Variants in ANKRD9 observed in about 807,000 individuals in gnomAD.
ANKRD9 encodes ankyrin repeat domain 9.
A neutral mutation model predicts 19.2 loss-of-function variants in ANKRD9; 13 were observed. The observed-to-expected ratio is 0.68, with a 90% CI of 0.44 to 1.08. The LOEUF (loss-of-function observed/expected upper bound fraction) is 1.08. ANKRD9 is among the 50% of genes least tolerant of loss of function. The pLI, the probability that ANKRD9 is intolerant of heterozygous loss-of-function variation, is 0.00. For synonymous variants in ANKRD9, 278 were observed against 256.8 expected (o/e 1.08, Z -0.79); for missense variants, 518 against 499.9 (o/e 1.04, Z -0.34).
At position 102,503,971 on chromosome 14, in the gene ANKRD9, C is replaced by G. The variant is rs935795522; in HGVS notation, c.*2965G>C. ...AGGTACTATCAGGATGAAGTCAGCACGCAGAGCAAGGCCAGCGAGGCCCAG... is the reference window on the plus strand; with the variant it reads ...AGGTACTATCAGGATGAAGTCAGCAGGCAGAGCAAGGCCAGCGAGGCCCAG... On this transcript the variant is annotated 3_prime_UTR_variant, in exon 4 of 4. Coordinates refer to ENST00000286918, the MANE Select transcript of ANKRD9 (RefSeq NM_152326.4). 6.6e-6 allele frequency: 1 copy of G among 152,298 alleles called. No homozygotes were observed. Among genetic ancestry groups the G allele is most frequent in the Non-Finnish European group, 1.5e-5 (1 of 68,072 alleles). The allele number at this position is 152,298 out of a possible 1,614,324, so 9.4% of individuals were successfully genotyped here. A position where few individuals can be genotyped will look rare whatever the true frequency, so the allele number is the denominator to read the frequency against.
In ANKRD9 at chr14:102,508,963, A is replaced by T. The variant is rs1891698911; in HGVS notation, c.-334-117T>A. On this transcript the variant is annotated intron_variant, in intron 1 of 3. Transcript: ENST00000286918. This position sits in a 1 kb window ranked among gnomAD's most constrained non-coding sequence, Gnocchi z 6.2. Reference sequence around the variant, plus strand: ...CCTGCCCTCTGAGTCCCCAGCCCCGACCTGAGCCTAGGCGTCTGACCTCTG... The same window carrying T: ...CCTGCCCTCTGAGTCCCCAGCCCCGTCCTGAGCCTAGGCGTCTGACCTCTG... 6.6e-6 allele frequency: 1 copy of T among 152,284 alleles called. No individual in the cohort carries two copies. Among genetic ancestry groups the T allele is most frequent in the Non-Finnish European group, 1.5e-5 (1 of 68,146 alleles). The allele number at this position is 152,284 out of a possible 1,614,324, so 9.4% of individuals were successfully genotyped here. A position where few individuals can be genotyped will look rare whatever the true frequency, so the allele number is the denominator to read the frequency against.
rs1204090652 is a variant in ANKRD9 at position 102,508,375 on chromosome 14, C to T, written c.-54+100G>A. 2.0e-5 allele frequency: 3 copies of T among 152,282 alleles called. No individual in the cohort carries two copies. Among genetic ancestry groups the T allele is most frequent in the Admixed American group, 2.0e-4 (3 of 15,274 alleles). 9.4% of individuals were successfully genotyped at this position (152,282 alleles called of 1,614,324 possible). A position where few individuals can be genotyped will look rare whatever the true frequency, so the allele number is the denominator to read the frequency against. ...GCTGAGGCAAATCCACTCTCCAGCC[C>T]AAGCGCAACCCTGACCCTGATCTCC... On this transcript the variant is annotated intron_variant, in intron 3 of 3. Coordinates refer to ENST00000286918, the MANE Select transcript of ANKRD9 (RefSeq NM_152326.4). This position sits in a 1 kb window ranked among gnomAD's most constrained non-coding sequence, Gnocchi z 6.2.
At position 102,507,256 on chromosome 14, in the gene ANKRD9, AG is replaced by A; in HGVS notation, c.633del (p.Ser212ProfsTer112). On this transcript the variant is annotated frameshift_variant, in exon 4 of 4. Coordinates refer to ENST00000286918, the MANE Select transcript of ANKRD9 (RefSeq NM_152326.4). LOFTEE classifies it high-confidence loss of function. The surrounding 1 kb of genome is among the most constrained non-coding windows in gnomAD (Gnocchi z 9.2). ...RQLGRDAGAT[P>X]SAAGAPASAP... is the part of the protein sequence containing the mutation. ...GCTGAGGCGGGGGCTCCGGCGGCGG[AG>A]GGAGTGGCCCCGGCGTCGCGGCCCA... 1 of 1,227,360 alleles carries A rather than the reference AG, an allele frequency of 8.1e-7. No individual in the cohort carries two copies. Among genetic ancestry groups the A allele is most frequent in the Non-Finnish European group, 1.0e-6 (1 of 983,466 alleles). 76.0% of individuals were successfully genotyped at this position (1,227,360 alleles called of 1,614,324 possible). A position where few individuals can be genotyped will look rare whatever the true frequency, so the allele number is the denominator to read the frequency against.
rs1236290406 is a variant in ANKRD9 at position 102,502,652 on chromosome 14, A to G, written c.*4284T>C. ...GTAACTGATCTGGTTTCATATATAT[A>G]TAAATATACACAGAAAAAAATGTAA... is the stretch of plus-strand genomic sequence containing the variant. On this transcript the variant is annotated 3_prime_UTR_variant, in exon 4 of 4. Coordinates refer to ENST00000286918, the MANE Select transcript of ANKRD9 (RefSeq NM_152326.4). 1 of 152,244 alleles carries G rather than the reference A, an allele frequency of 6.6e-6. No individual in the cohort carries two copies. Among genetic ancestry groups the G allele is most frequent in the African/African-American group, 2.4e-5 (1 of 41,456 alleles). 9.4% of individuals were successfully genotyped at this position (152,244 alleles called of 1,614,324 possible). A position where few individuals can be genotyped will look rare whatever the true frequency, so the allele number is the denominator to read the frequency against.
chr14:102,507,979 GA>G lies in ANKRD9; in HGVS notation c.-53-38del. The G allele has an allele frequency of 9.4e-7, 1 of 1,069,100 alleles. No individual in the cohort carries two copies. Among genetic ancestry groups the G allele is most frequent in the East Asian group, 6.8e-5 (1 of 14,706 alleles). The allele number at this position is 1,069,100 out of a possible 1,614,324, so 66.2% of individuals were successfully genotyped here. On this transcript the variant is annotated intron_variant, in intron 3 of 3. Transcript: ENST00000286918. This position sits in a 1 kb window ranked among gnomAD's most constrained non-coding sequence, Gnocchi z 9.2. Reference sequence around the variant, plus strand: ...GGAAGAGGCCACGGTGAGGCGCGGGGAAACTGGGGAGGCCCGGGGACTCCCC... The same window carrying G: ...GGAAGAGGCCACGGTGAGGCGCGGGGAACTGGGGAGGCCCGGGGACTCCCC...
rs1891461473 is a variant in ANKRD9, at chr14:102,502,294, G to A, written c.*4642C>T. 1 of 152,622 alleles carries A rather than the reference G, an allele frequency of 6.6e-6. No homozygotes were observed. Among genetic ancestry groups the A allele is most frequent in the Non-Finnish European group, 1.5e-5 (1 of 68,028 alleles). 9.5% of individuals were successfully genotyped at this position (152,622 alleles called of 1,614,324 possible). A position where few individuals can be genotyped will look rare whatever the true frequency, so the allele number is the denominator to read the frequency against. ...TGTTGTAAACTTCAAACTTTTGGCA[G>A]GTTTGAAATTTTTCATAACTCCGGG... is the stretch of plus-strand genomic sequence containing the variant. On this transcript the variant is annotated 3_prime_UTR_variant, in exon 4 of 4. Coordinates refer to ENST00000286918, the MANE Select transcript of ANKRD9 (RefSeq NM_152326.4).
rs943386373 is a variant in ANKRD9, at chr14:102,502,140, G to C, written c.*4796C>G. ...TAAGAAGCACGTGTGTGCAGGAAGC[G>C]GAGGCGCAGGACCTCACCGCGCCAG... On this transcript the variant is annotated 3_prime_UTR_variant, in exon 4 of 4. Transcript: ENST00000286918. 9.2e-5 allele frequency: 14 copies of C among 151,614 alleles called. No individual in the cohort carries two copies. Among genetic ancestry groups the C allele is most frequent in the African/African-American group, 2.9e-4 (12 of 41,368 alleles). 9.4% of individuals were successfully genotyped at this position (151,614 alleles called of 1,614,324 possible).
In ANKRD9 at chr14:102,507,662, C is replaced by T. The variant is rs372171499; in HGVS notation, c.228G>A (p.Leu76=). The T allele has an allele frequency of 8.4e-5, 131 of 1,551,988 alleles. No individual in the cohort carries two copies. Among genetic ancestry groups the T allele is most frequent in the Non-Finnish European group, 1.1e-4 (125 of 1,154,342 alleles). ...RAAAYSPSEA[L]LYALVHDHQA... is the part of the protein sequence containing the mutation. ...GGTGGTCGTGCACGAGCGCGTAGAG[C>T]AGCGCCTCAGAGGGCGAGTAGGCGG... is the stretch of plus-strand genomic sequence containing the variant. Residue 76 remains leucine, a synonymous_variant, in exon 4 of 4, where the codon CTG becomes CTA. Transcript: ENST00000286918. This position sits in a 1 kb window ranked among gnomAD's most constrained non-coding sequence, Gnocchi z 9.2.
In ANKRD9 at chr14:102,507,710, G is replaced by C. The variant is rs755817553; in HGVS notation, c.180C>G (p.His60Gln). ...LEDMRASEAF[H>Q]WDERGRAAAY... ...CGGCGGCGCGCCCGCGCTCGTCCCA[G>C]TGGAAGGCCTCGCTGGCGCGCATAT... Residue 60 changes from histidine (H) to glutamine (Q), a missense_variant, in exon 4 of 4, where the codon CAC (histidine) becomes CAG (glutamine). Physicochemically the swap from His to Gln is conservative, Grantham distance 24. Transcript: ENST00000286918. The surrounding 1 kb of genome is among the most constrained non-coding windows in gnomAD (Gnocchi z 9.2). The C allele has an allele frequency of 1.3e-6, 2 of 1,536,128 alleles. No individual in the cohort carries two copies. Among genetic ancestry groups the C allele is most frequent in the South Asian group, 1.2e-5 (1 of 85,378 alleles).
Position 102,507,033 on chromosome 14 carries a change from A to C in ANKRD9, c.857T>G (p.Leu286Arg), listed in dbSNP as rs755499444. 1 of 1,583,774 alleles carries C rather than the reference A, an allele frequency of 6.3e-7. No homozygotes were observed. Among genetic ancestry groups the C allele is most frequent in the Non-Finnish European group, 8.5e-7 (1 of 1,171,990 alleles). ...PSLFARAMQV[L>R]VTAISPGRFP... The stretch of plus-strand genomic sequence containing the variant: ...GCGGCCTGGAGAGATGGCGGTGACC[A>C]GCACCTGCATGGCGCGCGCGAAGAG... The change falls in exon 4 of 4, where the codon CTG becomes CGG. Residue 286 changes from leucine (L) to arginine (R), a missense_variant. Physicochemically the swap from Leu to Arg is moderately radical, Grantham distance 102 (BLOSUM62 -2). Transcript: ENST00000286918. This position sits in a 1 kb window ranked among gnomAD's most constrained non-coding sequence, Gnocchi z 9.2.
In ANKRD9 at chr14:102,508,537, G is replaced by C. The variant is rs1304082028; in HGVS notation, c.-116C>G. 1 of 152,240 alleles carries C rather than the reference G, an allele frequency of 6.6e-6. No individual in the cohort carries two copies. Among genetic ancestry groups the C allele is most frequent in the African/African-American group, 2.4e-5 (1 of 41,448 alleles). The allele number at this position is 152,240 out of a possible 1,614,324, so 9.4% of individuals were successfully genotyped here. Reference sequence around the variant, plus strand: ...TGGGTATATCACAGTCCCTGGCCGAGCCTCAGCTTTATCTGTAAGAAAGGG... The same window carrying C: ...TGGGTATATCACAGTCCCTGGCCGACCCTCAGCTTTATCTGTAAGAAAGGG... On this transcript the variant is annotated 5_prime_UTR_variant, in exon 3 of 4. Coordinates refer to ENST00000286918, the MANE Select transcript of ANKRD9 (RefSeq NM_152326.4). The surrounding 1 kb of genome is among the most constrained non-coding windows in gnomAD (Gnocchi z 6.2).
Position 102,506,884 on chromosome 14 carries a change from C to G in ANKRD9, c.*52G>C. On this transcript the variant is annotated 3_prime_UTR_variant, in exon 4 of 4. Coordinates refer to ENST00000286918, the MANE Select transcript of ANKRD9 (RefSeq NM_152326.4). ...CAATATATATAAAGTGCCGGTACAA[C>G]GCTCTGAAAAATAGTTTTGTCCCAA... is the stretch of plus-strand genomic sequence containing the variant. 1 of 1,411,166 alleles carries G rather than the reference C, an allele frequency of 7.1e-7. No homozygotes were observed. Among genetic ancestry groups the G allele is most frequent in the Admixed American group, 2.8e-5 (1 of 35,680 alleles). 87.4% of individuals were successfully genotyped at this position (1,411,166 alleles called of 1,614,324 possible).
Position 102,507,254 on chromosome 14 carries a change from G to A in ANKRD9, c.636C>T (p.Ser212=). 1 of 1,228,188 alleles carries A rather than the reference G, an allele frequency of 8.1e-7. No individual in the cohort carries two copies. The highest frequency in any genetic ancestry group is 1.0e-6 in the Non-Finnish European group (1 of 983,956). The allele number at this position is 1,228,188 out of a possible 1,614,324, so 76.1% of individuals were successfully genotyped here. ...QLGRDAGATP[S]AAGAPASAPG... Reference sequence around the variant, plus strand: ...GAGCTGAGGCGGGGGCTCCGGCGGCGGAGGGAGTGGCCCCGGCGTCGCGGC... The same window carrying A: ...GAGCTGAGGCGGGGGCTCCGGCGGCAGAGGGAGTGGCCCCGGCGTCGCGGC... The change falls in exon 4 of 4, where the codon TCC becomes TCT. Residue 212 remains serine, a synonymous_variant. Transcript: ENST00000286918. The surrounding 1 kb of genome is among the most constrained non-coding windows in gnomAD (Gnocchi z 9.2).
chr14:102,509,186 C>T (rs938786747), intron 1 of ANKRD9: 2 of 152,246 alleles, frequency 1.3e-5, no homozygotes, highest in Non-Finnish European at 2.9e-5. Context: ...TTCCCCAAGC[C>T]TGGGCCTCCG....
At position 102,505,913 on chromosome 14, in the gene ANKRD9, T is replaced by C. The variant is rs1010244974; in HGVS notation, c.*1023A>G. On this transcript the variant is annotated 3_prime_UTR_variant, in exon 4 of 4. Coordinates refer to ENST00000286918, the MANE Select transcript of ANKRD9 (RefSeq NM_152326.4). ...CTGCCCACGTTGGTGCGGGTTGAAT[T>C]TGACGGCCCAGCAGAATTCCCAGGC... is the stretch of plus-strand genomic sequence containing the variant. The C allele has an allele frequency of 6.6e-6, 1 of 152,244 alleles. No homozygotes were observed. The highest frequency in any genetic ancestry group is 1.5e-5 in the Non-Finnish European group (1 of 68,028). The allele number at this position is 152,244 out of a possible 1,614,324, so 9.4% of individuals were successfully genotyped here. A position where few individuals can be genotyped will look rare whatever the true frequency, so the allele number is the denominator to read the frequency against.
chr14:102,506,597 C>T lies in ANKRD9; in HGVS notation c.*339G>A. Reference sequence around the variant, plus strand: ...CCAGGCCTTTTTATACGCTGTCCTGCTGCTTGGACATGCCAGTCCCCACCC... The same window carrying T: ...CCAGGCCTTTTTATACGCTGTCCTGTTGCTTGGACATGCCAGTCCCCACCC... On this transcript the variant is annotated 3_prime_UTR_variant, in exon 4 of 4. Transcript: ENST00000286918. 1 of 253,526 alleles carries T rather than the reference C, an allele frequency of 3.9e-6. No homozygotes were observed. Among genetic ancestry groups the T allele is most frequent in the South Asian group, 1.7e-4 (1 of 5,852 alleles). 15.7% of individuals were successfully genotyped at this position (253,526 alleles called of 1,614,324 possible).
rs1891607202 is a variant in ANKRD9, at chr14:102,506,959, A to G, written c.931T>C (p.Leu311=). The change falls in exon 4 of 4, where the codon TTG becomes CTG. Residue 311 remains leucine, a synonymous_variant. Transcript: ENST00000286918. ...ELPLPPFLQP[L]DLTGKG ...GCCTAGCCTTTGCCAGTGAGGTCCA[A>G]CGGCTGCAGGAATGGGGGCAGCGGC... The G allele has an allele frequency of 3.9e-6, 6 of 1,548,522 alleles. No individual in the cohort carries two copies. Among genetic ancestry groups the G allele is most frequent in the Non-Finnish European group, 5.2e-6 (6 of 1,146,428 alleles).
Position 102,507,816 on chromosome 14 carries a change from C to T in ANKRD9, c.74G>A (p.Arg25Gln), listed in dbSNP as rs566714149. 29 of 1,402,850 alleles carry T rather than the reference C, an allele frequency of 2.1e-5. No homozygotes were observed. In the East Asian group the frequency reaches 8.7e-4, roughly 42 times the overall value. The allele number at this position is 1,402,850 out of a possible 1,614,324, so 86.9% of individuals were successfully genotyped here. ...CGACTTGCGGCACTGCTTCTGCGCT[C>T]GCGAGCGCGCCGCGCCCGAGGCCTC... is the stretch of plus-strand genomic sequence containing the variant. ...GPEASGAARS[R>Q]AQKQCRKSSF... Residue 25 changes from arginine to glutamine, a missense_variant, in exon 4 of 4, where the codon CGA becomes CAA. By Grantham distance (43) the Arg-to-Gln change is conservative (BLOSUM62 1). Transcript: ENST00000286918. The surrounding 1 kb of genome is among the most constrained non-coding windows in gnomAD (Gnocchi z 9.2).
In ANKRD9 at chr14:102,507,001, CG is replaced by C; in HGVS notation, c.888del (p.Glu297ArgfsTer27). On this transcript the variant is annotated frameshift_variant, in exon 4 of 4. Transcript: ENST00000286918. LOFTEE classifies it high-confidence loss of function. The surrounding 1 kb of genome is among the most constrained non-coding windows in gnomAD (Gnocchi z 9.2). The part of the protein sequence containing the change: ...LVTAISPGRF[P>X]EALDELPLPP... ...GGCAGCGGCAGCTCGTCCAGGGCCT[CG>C]GGGAAGCGGCCTGGAGAGATGGCGG... 6.3e-7 allele frequency: 1 copy of C among 1,577,488 alleles called. No individual in the cohort carries two copies. The highest frequency in any genetic ancestry group is 8.6e-7 in the Non-Finnish European group (1 of 1,164,900).
Sources: allele counts gnomAD v4.1 joint callset, GRCh38; gene constraint gnomAD v4.1.1; non-coding constraint Gnocchi (gnomAD v3.1); transcripts MANE v1.5; gene names NCBI Gene and HGNC (gene_info 2026-07-23, HGNC 2026-07-21).